The following FANCL variants were observed in gnomAD, a reference collection of about 807,000 sequenced individuals.
The protein encoded by FANCL is E3 ubiquitin-protein ligase FANCL.
A neutral mutation model predicts 59.4 loss-of-function variants in FANCL; 69 were observed. The ratio of observed to expected loss-of-function variants is 1.16; its 90% confidence interval spans 0.96 to 1.42. The LOEUF is 1.42. Ranked by LOEUF, FANCL falls within the 40% of genes most tolerant of loss-of-function variation. The pLI, the probability that FANCL is intolerant of heterozygous loss-of-function variation, is 0.00. For synonymous variants in FANCL, 180 were observed against 147.1 expected (o/e 1.22, Z -1.62); for missense variants, 519 against 447.2 (o/e 1.16, Z -1.45).
chr2:58,165,404 G>A (rs928332715), intron 8 of FANCL, among the ~76,000 whole-genome samples: 1 of 152,054 alleles, frequency 6.6e-6, no homozygotes, highest in Non-Finnish European at 1.5e-5. Flanking sequence ...GCATTATTCT[G>A]ACTTTTTTCT....
chr2:58,161,897 G>A (rs932765816), intron 11 of FANCL, among the ~76,000 whole-genome samples: 1 of 151,818 alleles, frequency 6.6e-6, no homozygotes, highest in African/African-American at 2.4e-5. Context: ...TATAAATATA[G>A]TTTTTATAAA....
At chr2:58,233,961 A>G (rs1252497204) in intron 1 of FANCL, among the ~76,000 whole-genome samples, 1 of 151,958 alleles carries the variant, frequency 6.6e-6, no homozygotes, top group African/African-American at 2.4e-5. Context: ...TAAAAAAACA[A>G]CTCCTTCCCA....
At chr2:58,163,398 C>G in intron 9 of FANCL, 36 bp downstream of exon 9, 1 of 1,333,178 alleles carries the variant, frequency 7.5e-7, no homozygotes, top group Non-Finnish European at 1.1e-6. Context: ...GATTTTATGA[C>G]TCTATTAAAA....
chr2:58,238,020 GC>G (rs1303321654), intron 1 of FANCL, among the ~76,000 whole-genome samples: 3 of 152,176 alleles, frequency 2.0e-5, no homozygotes, highest in Non-Finnish European at 4.4e-5. Flanking sequence ...ACAAACTGAG[GC>G]CTCATGGCCA....
At chr2:58,186,755 A>T (rs1044318126) in intron 7 of FANCL, among the ~76,000 whole-genome samples, 1 of 152,128 alleles carries the variant, frequency 6.6e-6, no homozygotes, top group South Asian at 2.1e-4. Context: ...GGGCAAAAAG[A>T]AGTAAAGTGG....
intron 5 of FANCL, among the ~76,000 whole-genome samples, chr2:58,221,182 G>C (rs978352938): frequency 6.6e-6 from 1 of 151,070 alleles, no homozygotes; most frequent in Non-Finnish European, 1.5e-5. Context: ...AGCGAGACTC[G>C]GTCTCAAAAA....
intron 5 of FANCL, among the ~76,000 whole-genome samples, chr2:58,215,258 T>C (rs1377192543): frequency 6.6e-6 from 1 of 152,228 alleles, no homozygotes; most frequent in Admixed American, 6.5e-5. Context: ...TTGTCTTCCC[T>C]GTCTCTCCTC....
intron 7 of FANCL, among the ~76,000 whole-genome samples, chr2:58,179,449 A>T (rs1032248537): frequency 3.3e-5 from 5 of 152,204 alleles, no homozygotes; most frequent in Non-Finnish European, 5.9e-5. Context: ...CAACCATCTG[A>T]TCTTTGACAA....
At chr2:58,191,755 T>C (rs1283318776) in intron 7 of FANCL, among the ~76,000 whole-genome samples, 3 of 151,774 alleles carry the variant, frequency 2.0e-5, no homozygotes, top group Non-Finnish European at 4.4e-5. Flanking sequence ...GACTACTTCT[T>C]TGCCCATATT....
chr2:58,179,886 A>C (rs566547511), intron 7 of FANCL, among the ~76,000 whole-genome samples: 3 of 152,228 alleles, frequency 2.0e-5, no homozygotes, highest in African/African-American at 4.8e-5. Context: ...CAAGAAAAAA[A>C]CAACCGTATC....
chr2:58,166,681 G>A (rs1005233751), intron 7 of FANCL, among the ~76,000 whole-genome samples: 2 of 152,194 alleles, frequency 1.3e-5, no homozygotes, highest in Non-Finnish European at 2.9e-5. Context: ...TACACAAAAT[G>A]TAAAGTCACA....
At chr2:58,232,430 T>G (rs745713304) in intron 1 of FANCL, among the ~76,000 whole-genome samples, 1 of 152,030 alleles carries the variant, frequency 6.6e-6, no homozygotes, top group Non-Finnish European at 1.5e-5. Context: ...AGAAGAAATT[T>G]CAGTGTTATT....
chr2:58,220,917 G>A lies in FANCL; in HGVS notation c.374+1025C>T, dbSNP rs1376355433. Among the ~76,000 whole-genome samples, 4 of 152,140 alleles carry A rather than the reference G, an allele frequency of 2.6e-5. No homozygotes were observed. In the East Asian group the frequency reaches 7.7e-4, roughly 29 times the overall value. On this transcript the variant is annotated intron_variant, in intron 5 of 13. Transcript: ENST00000233741. ...CTAAAATACTATTGATAACGGTTAA[G>A]AAGTGATAAGAATTGCCGGGCGTGG...
At chr2:58,217,166 T>TTATATATATATA (rs1158149205) in intron 5 of FANCL, among the ~76,000 whole-genome samples, 4 of 47,352 alleles carry the variant, frequency 8.4e-5, no homozygotes, top group African/African-American at 1.6e-4. Flanking sequence ...TTTATATATT[T>TTATATATATATA]TATATATATA....
At chr2:58,217,163 ATT>A (rs1253976907) in intron 5 of FANCL, among the ~76,000 whole-genome samples, 21 of 63,672 alleles carry the variant, frequency 3.3e-4, no homozygotes, top group Admixed American at 2.2e-3. Flanking sequence ...ATATTTATAT[ATT>A]TTATATATAT....
intron 7 of FANCL, among the ~76,000 whole-genome samples, chr2:58,173,568 T>C (rs1686912355): frequency 6.6e-6 from 1 of 152,046 alleles, no homozygotes; most frequent in Admixed American, 6.6e-5. Flanking sequence ...ATAAAATCCT[T>C]TACAGACAAG....
Position 58,182,770 on chromosome 2 carries a change from C to G in FANCL, c.540+15824G>C, listed in dbSNP as rs371683819. 4.6e-5 allele frequency among the ~76,000 whole-genome samples: 7 copies of G among 151,664 alleles called. No homozygotes were observed. In the East Asian group the frequency reaches 9.6e-4, roughly 21 times the overall value. On this transcript the variant is annotated intron_variant, in intron 7 of 13. Coordinates refer to ENST00000233741, the MANE Select transcript of FANCL (RefSeq NM_018062.4). ...CCTAATACAATTCAATACAGCAACT[C>G]TGAATAATGTGTCTACTGAGTGTTA... is the stretch of plus-strand genomic sequence containing the variant.
At chr2:58,177,291 A>C (rs1687430981) in intron 7 of FANCL, among the ~76,000 whole-genome samples, 2 of 152,296 alleles carry the variant, frequency 1.3e-5, no homozygotes, top group East Asian at 3.9e-4. Flanking sequence ...GTATATACCC[A>C]AAGGACTATA....
intron 7 of FANCL, among the ~76,000 whole-genome samples, chr2:58,198,087 G>A (rs1274828047): frequency 1.3e-5 from 2 of 151,850 alleles, no homozygotes; most frequent in African/African-American, 2.4e-5. Flanking sequence ...GGGTGTGAGT[G>A]GGTGTGTTTG....
Sources: gnomAD v4.1 joint callset for allele counts (sites outside exome capture counted in the v4.1 genomes callset) on GRCh38, gnomAD v4.1.1 for gene constraint, MANE v1.5 for transcripts, NCBI Gene and HGNC (gene_info 2026-07-23, HGNC 2026-07-21) for gene names.